PPM1E: variants seen among roughly 807,000 people sequenced by gnomAD.
PPM1E encodes protein phosphatase, Mg2+/Mn2+ dependent 1E.
A neutral mutation model predicts 65.9 loss-of-function variants in PPM1E; 20 were observed. The ratio of observed to expected loss-of-function variants is 0.30; its 90% confidence interval spans 0.21 to 0.44. The LOEUF (loss-of-function observed/expected upper bound fraction) is 0.44, where lower values mean the gene tolerates loss of function less well. Among genes scored for constraint, PPM1E ranks in the 20% least tolerant of loss-of-function variants. The probability of loss-of-function intolerance (pLI) is 1.00; values close to 1 mark genes in which losing one functional copy is unlikely to be tolerated. For missense variants in PPM1E, 713 were observed against 953.1 expected (o/e 0.75, Z 3.32); for synonymous variants, 352 against 374.9 (o/e 0.94, Z 0.70).
chr17:58,938,302 T>C (rs752017161), intron 1 of PPM1E, among the ~76,000 whole-genome samples: 1 of 152,224 alleles, frequency 6.6e-6, no homozygotes, highest in Non-Finnish European at 1.5e-5. Flanking sequence ...TTTCTAAGGT[T>C]ACCCAGCTAT....
chr17:58,775,090 A>T (rs1377044423), intron 1 of PPM1E, among the ~76,000 whole-genome samples: 1 of 152,124 alleles, frequency 6.6e-6, no homozygotes. Context: ...TGATCACGTG[A>T]TCCAGCTGCC....
intron 1 of PPM1E, among the ~76,000 whole-genome samples, chr17:58,845,943 AATGTTGGTATTATACGCATGAGCC>A (rs2050766846): frequency 6.6e-6 from 1 of 152,154 alleles, no homozygotes; most frequent in East Asian, 1.9e-4. Context: ...GGCCTCCCAA[AATGTTGGTATTATACGCATGAGCC>A]ACCGTGCCCA....
Position 58,916,256 on chromosome 17 carries a change from C to T in PPM1E, c.465-39393C>T, listed in dbSNP as rs536864896. ...ACAGGTTGTTGTAAAGTTTAAAAGA[C>T]AGCGTGTACATAAAGACAATGTCTA... On this transcript the variant is annotated intron_variant, in intron 1 of 6. Coordinates refer to ENST00000308249, the MANE Select transcript of PPM1E (RefSeq NM_014906.5). Among the ~76,000 whole-genome samples the T allele has an allele frequency of 4.6e-5, 7 of 152,322 alleles. No individual in the cohort carries two copies. In the South Asian group the frequency reaches 1.4e-3, roughly 32 times the overall value.
intron 1 of PPM1E, among the ~76,000 whole-genome samples, chr17:58,848,624 A>G (rs1056578661): frequency 6.6e-6 from 1 of 152,186 alleles, no homozygotes; most frequent in Non-Finnish European, 1.5e-5. Flanking sequence ...GGACAAAGCC[A>G]ACTTAATCAT....
chr17:58,955,903 A>C (rs992029528), intron 2 of PPM1E, 136 bp downstream of exon 2: 2 of 947,436 alleles, frequency 2.1e-6, no homozygotes, highest in Admixed American at 7.3e-5. Context: ...GCAGGGGAGA[A>C]AAAATGCAAC....
intron 1 of PPM1E, among the ~76,000 whole-genome samples, chr17:58,911,223 A>G (rs1232316811): frequency 6.6e-6 from 1 of 152,226 alleles, no homozygotes; most frequent in Non-Finnish European, 1.5e-5. Context: ...TCTAAGAAGT[A>G]TTGTTGGTTT....
intron 1 of PPM1E, among the ~76,000 whole-genome samples, chr17:58,806,827 G>A (rs1250039032): frequency 6.6e-6 from 1 of 151,012 alleles, no homozygotes; most frequent in Admixed American, 6.6e-5. Flanking sequence ...AGCCTCCAGA[G>A]TAGCTGGGAC....
chr17:58,965,933 C>CA (rs771810579), intron 3 of PPM1E, 40 bp downstream of exon 3: 1 of 1,562,700 alleles, frequency 6.4e-7, no homozygotes, highest in South Asian at 1.1e-5. Context: ...ATTTTAAAGA[C>CA]AAAACAAACA....
chr17:58,952,122 T>C (rs998422495), intron 1 of PPM1E, among the ~76,000 whole-genome samples: 5 of 152,212 alleles, frequency 3.3e-5, no homozygotes, highest in Non-Finnish European at 7.3e-5. Context: ...GCACTAGTGA[T>C]GTTTGTGAGT....
intron 4 of PPM1E, 46 bp from the exon 5 acceptor site, chr17:58,972,086 A>G: frequency 6.4e-7 from 1 of 1,567,556 alleles, no homozygotes; most frequent in Non-Finnish European, 8.7e-7. Flanking sequence ...AGAATGTAGT[A>G]TCTATTTCTT....
rs570175850 is a variant in PPM1E, at chr17:58,920,626, A to C, written c.465-35023A>C. Among the ~76,000 whole-genome samples the C allele has an allele frequency of 2.0e-5, 3 of 152,314 alleles. No homozygotes were observed. In the East Asian group the frequency reaches 5.8e-4, roughly 29 times the overall value. Reference sequence around the variant, plus strand: ...TGAAATAAGGAAGTTTATAGGAGAAATGGGTTTGATGAAAAGGAGGTTGAG... The same window carrying C: ...TGAAATAAGGAAGTTTATAGGAGAACTGGGTTTGATGAAAAGGAGGTTGAG... On this transcript the variant is annotated intron_variant, in intron 1 of 6. Coordinates refer to ENST00000308249, the MANE Select transcript of PPM1E (RefSeq NM_014906.5).
At chr17:58,856,741 A>G (rs2050886762) in intron 1 of PPM1E, among the ~76,000 whole-genome samples, 1 of 152,212 alleles carries the variant, frequency 6.6e-6, no homozygotes, top group African/African-American at 2.4e-5. Flanking sequence ...ATCCATTTAT[A>G]AGCCAAACAG....
At chr17:58,846,184 G>A (rs1170364871) in intron 1 of PPM1E, among the ~76,000 whole-genome samples, 3 of 152,134 alleles carry the variant, frequency 2.0e-5, no homozygotes, top group Admixed American at 6.5e-5. Flanking sequence ...TATACCCATA[G>A]AATTGCTGGG....
At chr17:58,967,717 GT>G (rs1231841293) in intron 3 of PPM1E, among the ~76,000 whole-genome samples, 4 of 150,316 alleles carry the variant, frequency 2.7e-5, no homozygotes, top group Non-Finnish European at 5.9e-5. Flanking sequence ...GCTTCCTTTT[GT>G]TTCTTGTGGT....
intron 1 of PPM1E, among the ~76,000 whole-genome samples, chr17:58,937,892 A>AAAAAAAAAAAAAAAAAG (rs57965915): frequency 2.3e-5 from 3 of 129,796 alleles, no homozygotes; most frequent in Non-Finnish European, 1.6e-5. Flanking sequence ...AAAAAAAAAA[A>AAAAAAAAAAAAAAAAAG]AAAGAAAGAA....
intron 1 of PPM1E, among the ~76,000 whole-genome samples, chr17:58,941,104 C>T (rs1282092564): frequency 6.6e-6 from 1 of 152,082 alleles, no homozygotes; most frequent in Non-Finnish European, 1.5e-5. Flanking sequence ...GGAATGTGTC[C>T]AGTTAATCAG....
chr17:58,878,905 T>TAA lies in PPM1E; in HGVS notation c.465-76733_465-76732dup, dbSNP rs71143297. Among the ~76,000 whole-genome samples the TAA allele has an allele frequency of 7.2e-4, 105 of 145,346 alleles. 1 individual carries two copies. The highest frequency in any genetic ancestry group is 2.6e-3 in the African/African-American group (103 of 39,816). ...GGCAACAAGAGCGAAACTGCATCTC[T>TAA]AAAAAAAAAAAAGAAAAAAAGAAAA... On this transcript the variant is annotated intron_variant, in intron 1 of 6. Coordinates refer to ENST00000308249, the MANE Select transcript of PPM1E (RefSeq NM_014906.5).
At chr17:58,777,715 T>A (rs2050007455) in intron 1 of PPM1E, among the ~76,000 whole-genome samples, 1 of 152,184 alleles carries the variant, frequency 6.6e-6, no homozygotes, top group African/African-American at 2.4e-5. Flanking sequence ...AAACAGAATT[T>A]TACCTTACTA....
intron 1 of PPM1E, among the ~76,000 whole-genome samples, chr17:58,871,026 G>A (rs2051063274): frequency 6.6e-6 from 1 of 152,010 alleles, no homozygotes; most frequent in East Asian, 1.9e-4. Context: ...CAGCTGTTAT[G>A]TGTGTTCATT....
Sources: gnomAD v4.1 joint callset for allele counts (sites outside exome capture counted in the v4.1 genomes callset) on GRCh38, gnomAD v4.1.1 for gene constraint, MANE v1.5 for transcripts, NCBI Gene and HGNC (gene_info 2026-07-23, HGNC 2026-07-21) for gene names.